Variants in TMEM71 observed in about 807,000 individuals in gnomAD.
TMEM71 encodes transmembrane protein 71.
A neutral mutation model predicts 38.0 loss-of-function variants in TMEM71; 44 were observed. The observed-to-expected ratio is 1.16, with a 90% CI of 0.91 to 1.49. The LOEUF (loss-of-function observed/expected upper bound fraction) is 1.49. TMEM71 is among the 40% of genes most tolerant of loss of function. The pLI, the probability that TMEM71 is intolerant of heterozygous loss-of-function variation, is 0.00. For missense variants in TMEM71, 367 were observed against 348.6 expected (o/e 1.05, Z -0.42); for synonymous variants, 133 against 122.5 (o/e 1.09, Z -0.56).
intron 3 of TMEM71, 41 bp from the exon 4 acceptor site, chr8:132,752,038 T>G (rs765346130): frequency 2.2e-5 from 33 of 1,523,986 alleles, no homozygotes; most frequent in Non-Finnish European, 2.7e-5. Context: ...CTCTATTCAG[T>G]ACATCCAGTC....
intron 5 of TMEM71, among the ~76,000 whole-genome samples, chr8:132,742,828 C>G (rs1223626933): frequency 6.6e-6 from 1 of 152,190 alleles, no homozygotes; most frequent in Non-Finnish European, 1.5e-5. Flanking sequence ...ATACCCAAGA[C>G]TGGGCAATTT....
In TMEM71 at chr8:132,727,914, G is replaced by A. The variant is rs750920729; in HGVS notation, c.560C>T (p.Thr187Ile). ...AGATATGATGTGGCTGGAAGAGGAG[G>A]TGATCACAGACTCTGCATTCATCTT... is the stretch of plus-strand genomic sequence containing the variant. Reference protein sequence around the residue: ...SGKMNAESVITSSSSHIISQP... With the variant: ...SGKMNAESVIISSSSHIISQP... The change falls in exon 6 of 10, where the codon ACC becomes ATC. Residue 187 changes from threonine (T) to isoleucine (I), a missense_variant. By Grantham distance (89) the Thr-to-Ile change is moderately conservative. Transcript: ENST00000677595. The A allele has an allele frequency of 2.2e-5, 36 of 1,613,970 alleles. No individual in the cohort carries two copies. Among genetic ancestry groups the A allele is most frequent in the Non-Finnish European group, 5.1e-6 (6 of 1,180,000 alleles).
At chr8:132,759,855 G>A (rs1375108723) in intron 1 of TMEM71, among the ~76,000 whole-genome samples, 1 of 152,122 alleles carries the variant, frequency 6.6e-6, no homozygotes, top group Non-Finnish European at 1.5e-5. Flanking sequence ...CTGGTTTATA[G>A]AGACCTGTAA....
intron 5 of TMEM71, 148 bp from the exon 6 acceptor site, chr8:132,728,134 G>A: frequency 5.4e-6 from 3 of 560,454 alleles, no homozygotes; most frequent in Non-Finnish European, 8.9e-6. Flanking sequence ...ATAGTGGGAT[G>A]GGAGAAGGAT....
At chr8:132,721,718 A>G (rs1826860609) in intron 7 of TMEM71, among the ~76,000 whole-genome samples, 2 of 151,286 alleles carry the variant, frequency 1.3e-5, no homozygotes, top group South Asian at 4.2e-4. Context: ...GGCTAATTTC[A>G]TACTTTTAAT....
At chr8:132,763,848 T>C (rs1438646447), upstream of TMEM71, among the ~76,000 whole-genome samples, 3 of 152,190 alleles carry the variant, frequency 2.0e-5, no homozygotes, top group Admixed American at 6.5e-5. Context: ...TAAGATACTC[T>C]TTGACAGGCG....
At chr8:132,722,262 A>G (rs1345511013) in intron 6 of TMEM71, 147 bp from the exon 7 acceptor site, 1 of 638,772 alleles carries the variant, frequency 1.6e-6, no homozygotes, top group Non-Finnish European at 2.8e-6. Context: ...TGTGTCATAA[A>G]TAACAAGATA....
At chr8:132,768,973 G>A in the TMEM71 span, among the ~76,000 whole-genome samples, 1 of 152,252 alleles carries the variant, frequency 6.6e-6, no homozygotes, top group Non-Finnish European at 1.5e-5. Flanking sequence ...TTATCTGTTT[G>A]CATGTTTGTC....
intron 6 of TMEM71, among the ~76,000 whole-genome samples, chr8:132,722,682 G>A (rs1303887547): frequency 6.6e-6 from 1 of 152,204 alleles, no homozygotes; most frequent in African/African-American, 2.4e-5. Context: ...ATAACATTTT[G>A]TCTGAAGTGG....
chr8:132,729,923 C>T (rs544688586), intron 5 of TMEM71, among the ~76,000 whole-genome samples: 26 of 152,052 alleles, frequency 1.7e-4, no homozygotes, highest in Middle Eastern at 3.4e-3. Flanking sequence ...AAAATGTCTC[C>T]GCCAACACTT....
intron 6 of TMEM71, among the ~76,000 whole-genome samples, chr8:132,723,861 G>T (rs1045142456): frequency 3.9e-5 from 6 of 152,048 alleles, no homozygotes; most frequent in African/African-American, 1.4e-4. Flanking sequence ...TTCAACGTAG[G>T]TTCTCCCTAT....
At chr8:132,719,215 C>T (rs1001308551) in intron 7 of TMEM71, among the ~76,000 whole-genome samples, 3 of 152,196 alleles carry the variant, frequency 2.0e-5, no homozygotes, top group African/African-American at 7.2e-5. Context: ...ACTATTCTTA[C>T]ATCTATAATA....
intron 5 of TMEM71, among the ~76,000 whole-genome samples, chr8:132,734,246 T>C (rs1480590679): frequency 1.3e-5 from 2 of 152,076 alleles, no homozygotes; most frequent in Non-Finnish European, 2.9e-5. Context: ...ATTACCTTGA[T>C]TGTGGTGATG....
chr8:132,718,869 T>C (rs1214958950), intron 7 of TMEM71, among the ~76,000 whole-genome samples: 1 of 152,242 alleles, frequency 6.6e-6, no homozygotes, highest in African/African-American at 2.4e-5. Context: ...ATAGTATTTT[T>C]ATTGTTTTTA....
upstream of TMEM71, among the ~76,000 whole-genome samples, chr8:132,763,215 T>C (rs1829324758): frequency 6.6e-6 from 1 of 152,174 alleles, no homozygotes; most frequent in African/African-American, 2.4e-5. Flanking sequence ...TTAGCACTTT[T>C]TACCAAGGAA....
chr8:132,752,857 AAGGAAG>A (rs1183693311), intron 3 of TMEM71, among the ~76,000 whole-genome samples: 9 of 149,494 alleles, frequency 6.0e-5, no homozygotes, highest in Non-Finnish European at 1.2e-4. Flanking sequence ...GGAAGGAAGG[AAGGAAG>A]GAAGGAAGGA....
chr8:132,706,427 C>G (rs1365017402), downstream of TMEM71, among the ~76,000 whole-genome samples: 1 of 151,958 alleles, frequency 6.6e-6, no homozygotes, highest in Non-Finnish European at 1.5e-5. Context: ...AGTAGGCTCT[C>G]AAAAAATAAA....
intron 4 of TMEM71, among the ~76,000 whole-genome samples, chr8:132,749,352 G>A (rs981734273): frequency 6.6e-6 from 1 of 152,192 alleles, no homozygotes; most frequent in African/African-American, 2.4e-5. Flanking sequence ...GATTCATTTG[G>A]TCTTCACATT....
intron 5 of TMEM71, among the ~76,000 whole-genome samples, chr8:132,744,820 A>G (rs1177235097): frequency 2.6e-5 from 4 of 152,234 alleles, no homozygotes; most frequent in Admixed American, 2.0e-4. Context: ...TGGTACTGGT[A>G]CAAAAACAAA....
Sources: gnomAD v4.1 joint callset for allele counts (sites outside exome capture counted in the v4.1 genomes callset) on GRCh38, gnomAD v4.1.1 for gene constraint, MANE v1.5 for transcripts, NCBI Gene and HGNC (gene_info 2026-07-23, HGNC 2026-07-21) for gene names.